The following NXT2 variants were observed in gnomAD, a reference collection of about 807,000 sequenced individuals.
NXT2 encodes the protein nuclear transport factor 2 like export factor 2, also known as NTF2-related export protein 2.
NXT2 carries 1 observed loss-of-function variant against 9.6 expected under a neutral mutation model. The ratio of observed to expected loss-of-function variants is 0.10; its 90% CI spans 0.04 to 0.49. The LOEUF is 0.49. Among genes scored for constraint, NXT2 ranks in the 20% least tolerant of loss-of-function variants. The pLI is 0.95. For missense variants in NXT2, 48 were observed against 100.3 expected (o/e 0.48, Z 2.23); for synonymous variants, 22 against 35.4 (o/e 0.62, Z 1.34).
In NXT2 at chrX:109,536,967, G is replaced by A. The variant is rs765141125; in HGVS notation, c.-40G>A. On this transcript the variant is annotated 5_prime_UTR_variant, in exon 1 of 4. Coordinates refer to ENST00000372106, the MANE Select transcript of NXT2 (RefSeq NM_001242617.2). ...CGGACCGGACACGTGAGGAGGTAGT[G>A]ACGCCGACACTGCCAGAACACACTG... 1.3e-5 allele frequency: 16 copies of A among 1,210,232 alleles called. No individual in the cohort carries two copies. The highest frequency in any genetic ancestry group is 2.3e-4 in the Middle Eastern group (1 of 4,374).
Position 109,536,901 on chromosome X carries a change from G to T in NXT2, c.-106G>T. The T allele has an allele frequency of 8.3e-7, 1 of 1,201,894 alleles. No homozygotes were observed. Among genetic ancestry groups the T allele is most frequent in the South Asian group, 1.8e-5 (1 of 55,586 alleles). On this transcript the variant is annotated 5_prime_UTR_variant, in exon 1 of 4. Coordinates refer to ENST00000372106, the MANE Select transcript of NXT2 (RefSeq NM_001242617.2). The stretch of plus-strand genomic sequence containing the variant: ...GTGGAAAATTTTGTGCGTTTGGCGG[G>T]TTTCGCTCTCTTCATAAGTATTGAT...
At chrX:109,542,422 A>G in intron 3 of NXT2, 85 bp from the exon 4 acceptor site, 6 of 870,759 alleles carry the variant, frequency 6.9e-6, no homozygotes, top group South Asian at 3.0e-5. Flanking sequence ...GCATTAGTCC[A>G]TAAACAATGT....
intron 1 of NXT2, among the ~76,000 whole-genome samples, chrX:109,537,619 C>G (rs1933312995): frequency 9.0e-6 from 1 of 111,152 alleles, no homozygotes; most frequent in Admixed American, 9.6e-5. Flanking sequence ...GAGTTTGGCT[C>G]TAACACCTCA....
intron 2 of NXT2, among the ~76,000 whole-genome samples, chrX:109,539,066 C>G (rs1933354607): frequency 9.0e-6 from 1 of 110,891 alleles, no homozygotes; most frequent in Non-Finnish European, 1.9e-5. Context: ...TGTTCCCTTC[C>G]CTGTGTCCAT....
At position 109,542,631 on chromosome X, in the gene NXT2, T is replaced by C. The variant is rs765492634; in HGVS notation, c.372T>C (p.Asn124=). ...FLLTAQSTPN[N]TVWKIASDCF... is the part of the protein sequence containing the mutation. ...TGACTGCTCAGTCCACTCCCAACAA[T>C]ACTGTGTGGAAGATTGCAAGTGATT... The change falls in exon 4 of 4, where the codon AAT becomes AAC. Residue 124 remains asparagine, a synonymous_variant. Coordinates refer to ENST00000372106, the MANE Select transcript of NXT2 (RefSeq NM_001242617.2). 1.7e-6 allele frequency: 2 copies of C among 1,206,339 alleles called. No individual in the cohort carries two copies. The highest frequency in any genetic ancestry group is 2.2e-6 in the Non-Finnish European group (2 of 892,707).
chrX:109,542,748 T>A lies in NXT2; in HGVS notation c.*60T>A. The A allele has an allele frequency of 1.1e-6, 1 of 901,065 alleles. No individual in the cohort carries two copies. Among genetic ancestry groups the A allele is most frequent in the Non-Finnish European group, 1.5e-6 (1 of 651,493 alleles). The allele number at this position is 901,065 out of a possible 1,213,427, so 74.3% of individuals were successfully genotyped here. ...TTCCAGCAATTGAAATTTATGTGAA[T>A]TATTTTGATTGTAGAAGCACTATAA... On this transcript the variant is annotated 3_prime_UTR_variant, in exon 4 of 4. Coordinates refer to ENST00000372106, the MANE Select transcript of NXT2 (RefSeq NM_001242617.2).
At chrX:109,541,339 G>A (rs1795737146) in intron 2 of NXT2, 136 bp from the exon 3 acceptor site, 1 of 477,165 alleles carries the variant, frequency 2.1e-6, no homozygotes. Flanking sequence ...AGTGGAGATG[G>A]AGCAAGGGGA....
chrX:109,542,478 G>GTTCTCTTT lies in NXT2; in HGVS notation c.248-26_248-19dup, dbSNP rs776353953. On this transcript the variant is annotated intron_variant, in intron 3 of 3. Coordinates refer to ENST00000372106, the MANE Select transcript of NXT2 (RefSeq NM_001242617.2). ...CTTATTTAGAGATAGAAAATGATGT[G>GTTCTCTTT]TTCTCTTTTTTTTTTAATGTGGATG... The GTTCTCTTT allele has an allele frequency of 1.9e-5, 21 of 1,134,224 alleles. No individual in the cohort carries two copies. The East Asian group carries it at 6.2e-4, about 34-fold the overall frequency. 93.5% of individuals were successfully genotyped at this position (1,134,224 alleles called of 1,213,427 possible). A position where few individuals can be genotyped will look rare whatever the true frequency, so the allele number is the denominator to read the frequency against.
chrX:109,541,049 G>A (rs1933407875), intron 2 of NXT2, among the ~76,000 whole-genome samples: 1 of 111,826 alleles, frequency 8.9e-6, no homozygotes, highest in Non-Finnish European at 1.9e-5. Context: ...ATAGCCACTA[G>A]CATTAAAGGG....
chrX:109,537,763 G>T (rs1053059030), intron 1 of NXT2, among the ~76,000 whole-genome samples: 6 of 112,104 alleles, frequency 5.4e-5, no homozygotes, highest in African/African-American at 1.9e-4. Context: ...AAAGTGCTTA[G>T]TTGCCAAGAA....
intron 1 of NXT2, chrX:109,537,225 G>T: frequency 9.8e-7 from 1 of 1,024,690 alleles, no homozygotes; most frequent in South Asian, 2.9e-5. Flanking sequence ...TTCTGATCCC[G>T]GAAAGGACCC....
intron 2 of NXT2, 88 bp downstream of exon 2, chrX:109,538,219 T>G (rs1405153549): frequency 1.7e-6 from 1 of 591,551 alleles, no homozygotes; most frequent in Non-Finnish European, 2.7e-6. Context: ...TTCATCTGAC[T>G]TGCATAAGTG....
chrX:109,542,414 A>C, intron 3 of NXT2, 93 bp from the exon 4 acceptor site: 2 of 766,061 alleles, frequency 2.6e-6, no homozygotes, highest in Non-Finnish European at 3.6e-6. Flanking sequence ...AATTTTAAGC[A>C]TTAGTCCATA....
At chrX:109,538,221 G>A in intron 2 of NXT2, 90 bp downstream of exon 2, 1 of 577,508 alleles carries the variant, frequency 1.7e-6, no homozygotes, top group South Asian at 3.6e-5. Context: ...CATCTGACTT[G>A]CATAAGTGGT....
upstream of NXT2, chrX:109,535,932 A>G (rs755006162): frequency 8.3e-7 from 1 of 1,205,941 alleles, no homozygotes; most frequent in African/African-American, 1.8e-5. Flanking sequence ...GAAGGATACC[A>G]AAGAAGAAGT....
chrX:109,536,738 A>G (rs749482817), upstream of NXT2: 2 of 795,534 alleles, frequency 2.5e-6, no homozygotes, highest in East Asian at 8.2e-5. Context: ...TGGCTTTTAA[A>G]TTTTAAACTA....
At chrX:109,542,415 T>A (rs1035162432) in intron 3 of NXT2, 92 bp from the exon 4 acceptor site, 9 of 768,420 alleles carry the variant, frequency 1.2e-5, no homozygotes, top group Middle Eastern at 4.6e-4. Flanking sequence ...ATTTTAAGCA[T>A]TAGTCCATAA....
At chrX:109,536,347 C>T (rs1442291018), upstream of NXT2, among the ~76,000 whole-genome samples, 1 of 112,379 alleles carries the variant, frequency 8.9e-6, no homozygotes, top group Admixed American at 9.3e-5. Context: ...TGTTGGTGTC[C>T]GTGAGACATT....
chrX:109,536,690 G>C, upstream of NXT2: 1 of 410,024 alleles, frequency 2.4e-6, no homozygotes, highest in Non-Finnish European at 3.7e-6. Flanking sequence ...GAAAAGTAGG[G>C]GACTTTCCTG....
Sources: gnomAD v4.1 joint callset for allele counts (sites outside exome capture counted in the v4.1 genomes callset) on GRCh38, gnomAD v4.1.1 for gene constraint, MANE v1.5 for transcripts, NCBI Gene and HGNC (gene_info 2026-07-23, HGNC 2026-07-21) for gene names.